Variants in ATP8B4 observed in about 807,000 individuals in gnomAD.
ATP8B4 encodes the protein ATPase phospholipid transporting 8B4 (putative).
A neutral mutation model predicts 145.6 loss-of-function variants in ATP8B4; 133 were observed. The observed-to-expected ratio is 0.91, with a 90% CI of 0.79 to 1.05. The LOEUF is 1.05. Among genes scored for constraint, ATP8B4 ranks in the 50% least tolerant of loss-of-function variants. The probability of loss-of-function intolerance (pLI) is 0.00; values close to 1 mark genes in which losing one functional copy is unlikely to be tolerated. For synonymous variants in ATP8B4, 507 were observed against 492.9 expected (o/e 1.03, Z -0.38); for missense variants, 1,458 against 1,425.2 (o/e 1.02, Z -0.37).
At chr15:50,097,402 T>C (rs2056058860) in intron 2 of ATP8B4, among the ~76,000 whole-genome samples, 1 of 152,074 alleles carries the variant, frequency 6.6e-6, no homozygotes, top group Non-Finnish European at 1.5e-5. Flanking sequence ...ACAAAAACAA[T>C]ACTTTCCAAA....
intron 2 of ATP8B4, among the ~76,000 whole-genome samples, chr15:50,076,994 C>A (rs936054863): frequency 1.3e-5 from 2 of 152,202 alleles, no homozygotes; most frequent in Non-Finnish European, 2.9e-5. Context: ...GAAAACAAAT[C>A]CCCCATAACT....
At chr15:49,926,851 A>G (rs2040767623) in intron 16 of ATP8B4, among the ~76,000 whole-genome samples, 1 of 152,146 alleles carries the variant, frequency 6.6e-6, no homozygotes, top group African/African-American at 2.4e-5. Context: ...GTGGTAAATA[A>G]TTCTATTTTG....
intron 20 of ATP8B4, among the ~76,000 whole-genome samples, chr15:49,913,366 A>G (rs1033476041): frequency 4.0e-5 from 6 of 151,346 alleles, no homozygotes; most frequent in Admixed American, 3.9e-4. Context: ...GTGTAGATGG[A>G]ACACAACTCA....
At chr15:50,003,233 G>A (rs1001078639) in intron 7 of ATP8B4, among the ~76,000 whole-genome samples, 2 of 151,166 alleles carry the variant, frequency 1.3e-5, no homozygotes, top group African/African-American at 4.9e-5. Flanking sequence ...TTTCTTGATT[G>A]TCTCAAGCTT....
chr15:50,177,037 G>A (rs2044774013), intron 1 of ATP8B4, among the ~76,000 whole-genome samples: 1 of 152,170 alleles, frequency 6.6e-6, no homozygotes, highest in South Asian at 2.1e-4. Flanking sequence ...ATGCTAGACA[G>A]TCAATAGGAT....
chr15:50,089,640 T>C (rs1380891038), intron 2 of ATP8B4, among the ~76,000 whole-genome samples: 1 of 152,010 alleles, frequency 6.6e-6, no homozygotes, highest in Non-Finnish European at 1.5e-5. Flanking sequence ...AGTGAGGCTG[T>C]GGAGAAACAG....
chr15:50,036,860 T>A (rs2050876662), intron 6 of ATP8B4, among the ~76,000 whole-genome samples: 1 of 152,226 alleles, frequency 6.6e-6, no homozygotes, highest in Admixed American at 6.5e-5. Context: ...CAATGATAGA[T>A]GATTCTCCCT....
At chr15:50,069,443 T>C (rs1472431161) in intron 3 of ATP8B4, among the ~76,000 whole-genome samples, 1 of 152,206 alleles carries the variant, frequency 6.6e-6, no homozygotes, top group Non-Finnish European at 1.5e-5. Context: ...GGAAAAAAGT[T>C]TGTCTGATCG....
At chr15:49,990,636 C>T (rs145098165) in intron 9 of ATP8B4, among the ~76,000 whole-genome samples, 15 of 152,180 alleles carry the variant, frequency 9.9e-5, no homozygotes, top group African/African-American at 2.9e-4. Context: ...TAATTACCAA[C>T]TTGACAGACT....
rs75945351 is a variant in ATP8B4 at position 49,937,729 on chromosome 15, A to G, written c.1288-3547T>C. 6.2e-3 allele frequency among the ~76,000 whole-genome samples: 951 copies of G among 152,346 alleles called. 14 individuals are homozygous for G. The highest frequency in any genetic ancestry group is 0.022 in the African/African-American group (902 of 41,584). Reference sequence around the variant, plus strand: ...CTTATGAAAAGACAAAAATATTAAAAAGAATATTTTAATAGTAATTCCAGT... The same window carrying G: ...CTTATGAAAAGACAAAAATATTAAAGAGAATATTTTAATAGTAATTCCAGT... On this transcript the variant is annotated intron_variant, in intron 14 of 27. Coordinates refer to ENST00000284509, the MANE Select transcript of ATP8B4 (RefSeq NM_024837.4).
chr15:50,134,192 G>A (rs1024866328), intron 1 of ATP8B4, among the ~76,000 whole-genome samples: 1 of 151,470 alleles, frequency 6.6e-6, no homozygotes, highest in Non-Finnish European at 1.5e-5. Flanking sequence ...GAGGGAAATG[G>A]AAAAAAAGAA....
intron 3 of ATP8B4, among the ~76,000 whole-genome samples, chr15:50,053,019 C>T (rs2052310890): frequency 1.3e-5 from 2 of 152,000 alleles, no homozygotes; most frequent in Admixed American, 6.6e-5. Flanking sequence ...ATGAAAAGAG[C>T]GATGAGGAGG....
intron 10 of ATP8B4, among the ~76,000 whole-genome samples, chr15:49,981,768 C>T (rs181313677): frequency 4.6e-5 from 7 of 152,180 alleles, no homozygotes; most frequent in Non-Finnish European, 1.0e-4. Flanking sequence ...ACTAGAATAG[C>T]CCCCCAAAAT....
At chr15:49,998,906 T>C (rs1203267334) in intron 8 of ATP8B4, among the ~76,000 whole-genome samples, 1 of 152,194 alleles carries the variant, frequency 6.6e-6, no homozygotes, top group Non-Finnish European at 1.5e-5. Context: ...CATCTTGAAT[T>C]AATTTTTGTA....
At chr15:50,107,034 G>A (rs760677020) in intron 1 of ATP8B4, 26 bp from the exon 2 acceptor site, 2 of 1,423,438 alleles carry the variant, frequency 1.4e-6, no homozygotes, top group Non-Finnish European at 1.9e-6. Context: ...ATGCATATTA[G>A]TATCTGAAAA....
intron 12 of ATP8B4, among the ~76,000 whole-genome samples, chr15:49,978,857 A>G (rs11853540): frequency 0.53 from 79,633 of 150,176 alleles, 23,402 homozygotes; most frequent in African/African-American, 0.78. Flanking sequence ...GTTTGTGTGC[A>G]TAGACAGAGA....
chr15:49,901,316 TA>T (rs2038005940), intron 20 of ATP8B4, 77 bp from the exon 21 acceptor site: 2 of 1,440,494 alleles, frequency 1.4e-6, no homozygotes, highest in Admixed American at 4.2e-5. Flanking sequence ...GAAACTTGCC[TA>T]GAGGTAAATT....
intron 1 of ATP8B4, among the ~76,000 whole-genome samples, chr15:50,150,187 G>A (rs2044330006): frequency 6.6e-6 from 1 of 152,184 alleles, no homozygotes; most frequent in African/African-American, 2.4e-5. Flanking sequence ...GACAGCAGGT[G>A]AGCTTGAACA....
At chr15:49,877,475 G>A (rs77720425) in intron 24 of ATP8B4, among the ~76,000 whole-genome samples, 4,723 of 152,234 alleles carry the variant, frequency 0.031, 119 homozygotes, top group Middle Eastern at 0.085. Context: ...CTGCTTGTGG[G>A]ATGGCCCAGG....
Sources: allele counts gnomAD v4.1 joint callset (sites outside exome capture counted in the v4.1 genomes callset), GRCh38; gene constraint gnomAD v4.1.1; transcripts MANE v1.5; gene names NCBI Gene and HGNC (gene_info 2026-07-23, HGNC 2026-07-21).